Variants in GNB5 observed in about 807,000 individuals in gnomAD.
GNB5 encodes G protein subunit beta 5, also known as guanine nucleotide-binding protein subunit beta-5.
Under a neutral mutation model 55.3 loss-of-function variants are expected in GNB5, and 37 were observed. That is an observed-to-expected ratio of 0.67 (90% CI 0.51 to 0.88). The LOEUF is 0.88. Among genes scored for constraint, GNB5 ranks in the 40% least tolerant of loss-of-function variants. The pLI, the probability that GNB5 is intolerant of heterozygous loss-of-function variation, is 0.00. For missense variants in GNB5, 476 were observed against 515.3 expected (o/e 0.92, Z 0.74); for synonymous variants, 219 against 198.5 (o/e 1.10, Z -0.87).
chr15:52,187,366 G>A (rs1381720346), intron 1 of GNB5, among the ~76,000 whole-genome samples: 1 of 152,104 alleles, frequency 6.6e-6, no homozygotes, highest in Non-Finnish European at 1.5e-5. Flanking sequence ...AGGTCAGAGA[G>A]AGAGAGAGAA....
At chr15:52,166,501 A>T (rs1350554955) in intron 3 of GNB5, among the ~76,000 whole-genome samples, 1 of 152,220 alleles carries the variant, frequency 6.6e-6, no homozygotes, top group African/African-American at 2.4e-5. Flanking sequence ...ACCACAGCGA[A>T]ATCAAATTAG....
At chr15:52,144,684 TA>T (rs1202502692) in intron 6 of GNB5, among the ~76,000 whole-genome samples, 1 of 152,140 alleles carries the variant, frequency 6.6e-6, no homozygotes, top group Non-Finnish European at 1.5e-5. Flanking sequence ...AACTTGAGAC[TA>T]AAGGTATCTG....
At chr15:52,129,041 C>T (rs1323873407) in intron 9 of GNB5, among the ~76,000 whole-genome samples, 2 of 151,596 alleles carry the variant, frequency 1.3e-5, no homozygotes, top group African/African-American at 4.9e-5. Flanking sequence ...CTACAACCTC[C>T]ACCTCCTAGG....
intron 2 of GNB5, 77 bp from the exon 3 acceptor site, chr15:52,179,956 C>G: frequency 7.1e-7 from 1 of 1,415,754 alleles, no homozygotes; most frequent in Middle Eastern, 2.3e-4. Flanking sequence ...GCTCCAGCAG[C>G]CGTCCCCGGC....
chr15:52,165,373 T>C (rs990623413), intron 3 of GNB5, among the ~76,000 whole-genome samples: 2 of 152,076 alleles, frequency 1.3e-5, no homozygotes, highest in African/African-American at 4.8e-5. Flanking sequence ...GCCAGTAAGA[T>C]ACTCCCTTTA....
chr15:52,179,871 G>T lies in GNB5; in HGVS notation c.135C>A (p.Thr45=), dbSNP rs772009012. The change falls in exon 3 of 13, where the codon ACC becomes ACA. Residue 45 remains threonine, a synonymous_variant. Transcript: ENST00000261837. ...YCSTCAEIMA[T]EGLHENETLA... ...GCGTCTCGTTCTCGTGCAGCCCCTC[G>T]GTTGCCATCTTCGCGCGGGGACGCA... 7.8e-6 allele frequency: 12 copies of T among 1,543,512 alleles called. No homozygotes were observed. Among genetic ancestry groups the T allele is most frequent in the Non-Finnish European group, 1.0e-5 (12 of 1,146,160 alleles).
At chr15:52,137,284 G>C in intron 7 of GNB5, 3 of 1,139,654 alleles carry the variant, frequency 2.6e-6, no homozygotes, top group Non-Finnish European at 3.3e-6. Context: ...CATGAGAAGT[G>C]CTGGGATCCA....
intron 9 of GNB5, among the ~76,000 whole-genome samples, chr15:52,132,512 C>T (rs2033602142): frequency 2.1e-5 from 3 of 146,206 alleles, no homozygotes; most frequent in Admixed American, 1.4e-4. Flanking sequence ...TTTTGAGACA[C>T]GGTCTTGCTC....
At chr15:52,158,258 A>G (rs1269084223) in intron 3 of GNB5, among the ~76,000 whole-genome samples, 1 of 152,058 alleles carries the variant, frequency 6.6e-6, no homozygotes, top group Non-Finnish European at 1.5e-5. Flanking sequence ...CAAATCATGT[A>G]CTTTCTCGCC....
intron 8 of GNB5, 70 bp downstream of exon 8, chr15:52,135,543 G>A: frequency 1.5e-6 from 2 of 1,364,586 alleles, no homozygotes; most frequent in South Asian, 2.4e-5. Flanking sequence ...CCCATGAATG[G>A]ACAAGAACTG....
intron 7 of GNB5, chr15:52,137,634 G>T (rs1481645507): frequency 8.7e-7 from 1 of 1,147,108 alleles, no homozygotes; most frequent in Non-Finnish European, 1.1e-6. Context: ...CATGGGGACA[G>T]GGCTGGAATT....
chr15:52,176,352 C>T (rs1368684807), intron 3 of GNB5, among the ~76,000 whole-genome samples: 2 of 152,248 alleles, frequency 1.3e-5, no homozygotes, highest in Non-Finnish European at 2.9e-5. Context: ...AGCCTGCTCG[C>T]TCATCGCACA....
chr15:52,146,865 G>A (rs902955479), intron 6 of GNB5, among the ~76,000 whole-genome samples: 2 of 150,702 alleles, frequency 1.3e-5, no homozygotes, highest in East Asian at 3.9e-4. Flanking sequence ...TTACAGGCAA[G>A]AGTCACCACG....
chr15:52,161,070 C>T lies in GNB5; in HGVS notation c.239-6994G>A, dbSNP rs535863478. Among the ~76,000 whole-genome samples, 4 of 152,316 alleles carry T rather than the reference C, an allele frequency of 2.6e-5. No homozygotes were observed. The East Asian group carries it at 7.7e-4, about 29-fold the overall frequency. ...GCACTGGGCTGAGTGCTTTACACAA[C>T]AGCCTGAGGACAAAGGCTTTATCTC... On this transcript the variant is annotated intron_variant, in intron 3 of 12. Transcript: ENST00000261837.
chr15:52,184,681 T>G lies in GNB5; in HGVS notation c.-5A>C. The G allele has an allele frequency of 5.6e-6, 9 of 1,611,776 alleles. No homozygotes were observed. Among genetic ancestry groups the G allele is most frequent in the Non-Finnish European group, 7.6e-6 (9 of 1,178,542 alleles). On this transcript the variant is annotated 5_prime_UTR_variant, in exon 2 of 13. Coordinates refer to ENST00000261837, the MANE Select transcript of GNB5 (RefSeq NM_016194.4). ...GAGAAAGGTCTGATCACACATCTTT[T>G]ACCCAAGATAAAGCTGAAAAAAAGT...
Position 52,119,499 on chromosome 15 carries a change from G to A in GNB5, c.*3258C>T, listed in dbSNP as rs1212242121. The A allele has an allele frequency of 1.6e-5, 2 of 123,622 alleles. No individual in the cohort carries two copies. Among genetic ancestry groups the A allele is most frequent in the Non-Finnish European group, 3.5e-5 (2 of 57,576 alleles). 7.7% of individuals were successfully genotyped at this position (123,622 alleles called of 1,614,324 possible). On this transcript the variant is annotated 3_prime_UTR_variant, in exon 13 of 13. Transcript: ENST00000261837. The stretch of plus-strand genomic sequence containing the variant: ...GGAAATGGGAGAGAGGGAGGAGAGA[G>A]GGAGGAGGAGGGGAAGGGAAGAGAA...
chr15:52,163,160 C>T (rs540907764), intron 3 of GNB5, among the ~76,000 whole-genome samples: 1 of 152,336 alleles, frequency 6.6e-6, no homozygotes, highest in African/African-American at 2.4e-5. Context: ...GCTTTTCCCA[C>T]AGATCTTTGC....
At chr15:52,137,977 C>T in intron 7 of GNB5, 2 of 1,286,314 alleles carry the variant, frequency 1.6e-6, no homozygotes, top group Non-Finnish European at 2.0e-6. Context: ...AGGCCTTATG[C>T]ACCGCTAGCA....
intron 6 of GNB5, among the ~76,000 whole-genome samples, chr15:52,144,719 C>T (rs1340233722): frequency 2.0e-5 from 3 of 152,180 alleles, no homozygotes; most frequent in African/African-American, 7.2e-5. Context: ...AGACTGAAGA[C>T]TTTATAAAGG....
Sources: allele counts gnomAD v4.1 joint callset (sites outside exome capture counted in the v4.1 genomes callset), GRCh38; gene constraint gnomAD v4.1.1; transcripts MANE v1.5; gene names NCBI Gene and HGNC (gene_info 2026-07-23, HGNC 2026-07-21).